HDAC9: variants seen among roughly 807,000 people sequenced by gnomAD.
HDAC9 encodes MEF-2 interacting transcription repressor (MITR) protein.
In HDAC9, 41 loss-of-function variants were observed where a neutral mutation model predicts 139.4. That is an observed-to-expected ratio of 0.29 (90% CI 0.23 to 0.38). HDAC9 has a LOEUF of 0.38. Among genes scored for constraint, HDAC9 ranks in the 10% least tolerant of loss-of-function variants. HDAC9 has a pLI of 1.00. For synonymous variants in HDAC9, 517 were observed against 476.2 expected (o/e 1.09, Z -1.12); for missense variants, 1,147 against 1,297.0 (o/e 0.88, Z 1.78).
rs542049397 is a variant in HDAC9, at chr7:18,707,055, C to A, written c.1732-20525C>A. On this transcript the variant is annotated intron_variant, in intron 12 of 25. Coordinates refer to ENST00000686413, the MANE Select transcript of HDAC9 (RefSeq NM_178425.4). The stretch of plus-strand genomic sequence containing the variant: ...CCAAGAAGAAAGTGTGGAAATAGAG[C>A]CAAGAGCTAGGGGTGGAGCCCCAGA... Among the ~76,000 whole-genome samples the A allele has an allele frequency of 1.8e-3, 276 of 151,998 alleles. 1 individual carries two copies. Among genetic ancestry groups the A allele is most frequent in the Admixed American group, 3.1e-3 (47 of 15,264 alleles).
At chr7:18,848,010 A>G (rs117584427) in intron 21 of HDAC9, among the ~76,000 whole-genome samples, 1,929 of 152,280 alleles carry the variant, frequency 0.013, 15 homozygotes, top group Non-Finnish European at 0.019. Flanking sequence ...ATATGATCCA[A>G]TTTCATCCAT....
intron 21 of HDAC9, among the ~76,000 whole-genome samples, chr7:18,836,685 T>C (rs1272931189): frequency 6.6e-6 from 1 of 152,156 alleles, no homozygotes; most frequent in Non-Finnish European, 1.5e-5. Flanking sequence ...TGAGAGAATT[T>C]TAAAAATGAG....
intron 1 of HDAC9, among the ~76,000 whole-genome samples, chr7:18,104,384 C>A (rs943576819): frequency 4.0e-5 from 6 of 151,878 alleles, no homozygotes; most frequent in African/African-American, 1.5e-4. Context: ...ATTTCAATAT[C>A]TATCAGCTGA....
intron 16 of HDAC9, among the ~76,000 whole-genome samples, chr7:18,775,181 A>G (rs959472718): frequency 6.6e-6 from 1 of 152,068 alleles, no homozygotes; most frequent in African/African-American, 2.4e-5. Flanking sequence ...TAATAGTACT[A>G]TCAAAGATGA....
chr7:18,125,059 G>A (rs1194555314), intron 1 of HDAC9, among the ~76,000 whole-genome samples: 4 of 152,016 alleles, frequency 2.6e-5, no homozygotes, highest in Non-Finnish European at 5.9e-5. Flanking sequence ...TAATACTGAG[G>A]TATTATCTTC....
At chr7:18,761,797 G>A (rs982313460) in intron 14 of HDAC9, among the ~76,000 whole-genome samples, 2 of 152,180 alleles carry the variant, frequency 1.3e-5, no homozygotes, top group East Asian at 1.9e-4. Flanking sequence ...CTTTGGGTAA[G>A]TGTAAAATAA....
At chr7:18,454,057 G>A (rs1341042670) in intron 1 of HDAC9, among the ~76,000 whole-genome samples, 1 of 152,034 alleles carries the variant, frequency 6.6e-6, no homozygotes, top group Non-Finnish European at 1.5e-5. Flanking sequence ...AAGTATAATT[G>A]CCTAAATTAA....
At chr7:18,246,722 C>G (rs1386155423) in intron 2 of HDAC9, among the ~76,000 whole-genome samples, 2 of 152,008 alleles carry the variant, frequency 1.3e-5, no homozygotes, top group African/African-American at 2.4e-5. Context: ...TTACTCTGAA[C>G]AAAATGGAGA....
intron 2 of HDAC9, among the ~76,000 whole-genome samples, chr7:18,164,233 GT>G (rs1281532548): frequency 6.6e-6 from 1 of 152,030 alleles, no homozygotes; most frequent in African/African-American, 2.4e-5. Flanking sequence ...TTTATTGCAA[GT>G]AAAAAACCAT....
chr7:18,203,267 C>T (rs1044417773), intron 2 of HDAC9, among the ~76,000 whole-genome samples: 6 of 152,156 alleles, frequency 3.9e-5, no homozygotes, highest in Non-Finnish European at 5.9e-5. Context: ...TGATGGTCTA[C>T]GTGAAATATG....
At chr7:18,227,866 A>T (rs905832385) in intron 2 of HDAC9, among the ~76,000 whole-genome samples, 1 of 152,138 alleles carries the variant, frequency 6.6e-6, no homozygotes, top group East Asian at 1.9e-4. Context: ...TGCCTATCGG[A>T]TGAATTATAC....
At chr7:18,381,002 A>G (rs1785381155) in intron 1 of HDAC9, among the ~76,000 whole-genome samples, 1 of 152,064 alleles carries the variant, frequency 6.6e-6, no homozygotes, top group Non-Finnish European at 1.5e-5. Flanking sequence ...ATTCAAGACC[A>G]GCCAGGCCAA....
intron 2 of HDAC9, among the ~76,000 whole-genome samples, chr7:18,215,818 A>G (rs1792267920): frequency 6.6e-6 from 1 of 152,140 alleles, no homozygotes; most frequent in South Asian, 2.1e-4. Flanking sequence ...TGTTTGTTAT[A>G]TACCCTTGGG....
chr7:18,983,180 A>G (rs973079992), intron 25 of HDAC9, among the ~76,000 whole-genome samples: 6 of 152,178 alleles, frequency 3.9e-5, no homozygotes, highest in Non-Finnish European at 8.8e-5. Context: ...TAGATACTTC[A>G]TATAATTGGA....
chr7:18,506,979 C>T (rs1185194921), intron 2 of HDAC9, among the ~76,000 whole-genome samples: 2 of 152,004 alleles, frequency 1.3e-5, no homozygotes, highest in Non-Finnish European at 1.5e-5. Flanking sequence ...TAATTCAAAC[C>T]TTAGCAATTG....
At chr7:18,792,471 G>T (rs565054915) in intron 16 of HDAC9, among the ~76,000 whole-genome samples, 1 of 151,810 alleles carries the variant, frequency 6.6e-6, no homozygotes, top group East Asian at 1.9e-4. Context: ...TATAACATAT[G>T]ATAATTATAA....
intron 22 of HDAC9, among the ~76,000 whole-genome samples, chr7:18,895,096 A>T (rs1365281369): frequency 6.6e-6 from 1 of 152,146 alleles, no homozygotes; most frequent in African/African-American, 2.4e-5. Flanking sequence ...AAGGGGATCT[A>T]CTAGCGGAAA....
chr7:18,937,684 T>C (rs932813735), intron 23 of HDAC9, among the ~76,000 whole-genome samples: 36 of 152,296 alleles, frequency 2.4e-4, no homozygotes, highest in African/African-American at 8.2e-4. Context: ...CATAATAATA[T>C]TAATATTTGC....
chr7:18,667,192 G>T, intron 12 of HDAC9: 1 of 985,256 alleles, frequency 1.0e-6, no homozygotes, highest in Non-Finnish European at 1.2e-6. Context: ...TTTATTTTGT[G>T]TAATTTGATG....
Sources: allele counts gnomAD v4.1 joint callset (sites outside exome capture counted in the v4.1 genomes callset), GRCh38; gene constraint gnomAD v4.1.1; transcripts MANE v1.5; gene names NCBI Gene and HGNC (gene_info 2026-07-23, HGNC 2026-07-21).